GLYR1: variants seen among roughly 807,000 people sequenced by gnomAD.
GLYR1 encodes the protein glyoxylate reductase 1 homolog.
Under a neutral mutation model 72.7 loss-of-function variants are expected in GLYR1, and 21 were observed. That is an observed-to-expected ratio of 0.29 (90% CI 0.20 to 0.42). The LOEUF is 0.42. Among genes scored for constraint, GLYR1 ranks in the 10% least tolerant of loss-of-function variants. The pLI is 1.00. For synonymous variants in GLYR1, 392 were observed against 270.2 expected, an observed-to-expected ratio of 1.45 and a Z score of -4.42; for missense variants, 594 against 712.1, an observed-to-expected ratio of 0.83 and a Z score of 1.89.
In GLYR1 at chr16:4,832,051, G is replaced by A. The variant is rs200029439; in HGVS notation, c.465C>T (p.Gly155=). The A allele has an allele frequency of 1.2e-6, 2 of 1,614,164 alleles. No individual in the cohort carries two copies. The highest frequency in any genetic ancestry group is 2.2e-5 in the South Asian group (2 of 91,084). The part of the protein sequence containing the change: ...KRVSSGSSER[G]SKSPLKRAQE... Reference sequence around the variant, plus strand: ...GGGCTCTTTTCAGAGGGGATTTGGAGCCTCTCTCTGAAGAGCCTGAAGACA... The same window carrying A: ...GGGCTCTTTTCAGAGGGGATTTGGAACCTCTCTCTGAAGAGCCTGAAGACA... Residue 155 remains glycine, a synonymous_variant, in exon 5 of 16, where the codon GGC becomes GGT. Transcript: ENST00000321919.
Position 4,812,071 on chromosome 16 carries a change from G to C in GLYR1, c.1282+15C>G. ...TGGCCCCAGGCTCCAGGCCTGACAG[G>C]TGCAGGCGTGTTACCTAGGAAGAAG... On this transcript the variant is annotated intron_variant, in intron 13 of 15. Transcript: ENST00000321919. 2 of 1,610,698 alleles carry C rather than the reference G, an allele frequency of 1.2e-6. No homozygotes were observed. Among genetic ancestry groups the C allele is most frequent in the Middle Eastern group, 1.7e-4 (1 of 5,904 alleles).
At chr16:4,823,939 C>G in intron 5 of GLYR1, 32 bp from the exon 6 acceptor site, 1 of 1,561,294 alleles carries the variant, frequency 6.4e-7, no homozygotes, top group South Asian at 1.1e-5. Flanking sequence ...ATTTTAAAAT[C>G]ACATTCAAAC....
intron 5 of GLYR1, among the ~76,000 whole-genome samples, chr16:4,830,638 T>C (rs2084736090): frequency 6.6e-6 from 1 of 152,224 alleles, no homozygotes; most frequent in South Asian, 2.1e-4. Context: ...CAACTGTTGC[T>C]GCCAGCCATC....
rs2083664353 is a variant in GLYR1 at position 4,816,758 on chromosome 16, G to A, written c.906+840C>T. Among the ~76,000 whole-genome samples the A allele has an allele frequency of 5.3e-5, 8 of 152,042 alleles. No homozygotes were observed. In the South Asian group the frequency reaches 1.7e-3, roughly 32 times the overall value. On this transcript the variant is annotated intron_variant, in intron 10 of 15. Transcript: ENST00000321919. Reference sequence around the variant, plus strand: ...CCCAGTATTTTGGGAGGCCAAGGCGGGTGGATCACCTGAGGTCAGAAGTTC... The same window carrying A: ...CCCAGTATTTTGGGAGGCCAAGGCGAGTGGATCACCTGAGGTCAGAAGTTC...
Position 4,805,092 on chromosome 16 carries a change from T to C in GLYR1, c.*144A>G, listed in dbSNP as rs2082892920. On this transcript the variant is annotated 3_prime_UTR_variant, in exon 16 of 16. Coordinates refer to ENST00000321919, the MANE Select transcript of GLYR1 (RefSeq NM_032569.4). ...AGGGGAAGGGTGCTGCTGTGTGCTGTGCTGATGGCAAGTCTCAAAGTCTGT... is the reference window on the plus strand; with the variant it reads ...AGGGGAAGGGTGCTGCTGTGTGCTGCGCTGATGGCAAGTCTCAAAGTCTGT... 1 of 706,514 alleles carries C rather than the reference T, an allele frequency of 1.4e-6. No homozygotes were observed. Among genetic ancestry groups the C allele is most frequent in the Non-Finnish European group, 2.5e-6 (1 of 393,868 alleles). The allele number at this position is 706,514 out of a possible 1,614,324, so 43.8% of individuals were successfully genotyped here.
chr16:4,821,101 G>A, intron 9 of GLYR1: 1 of 523,522 alleles, frequency 1.9e-6, no homozygotes, highest in Non-Finnish European at 3.4e-6. Flanking sequence ...TGACTGTCAG[G>A]CACAGGAAAG....
intron 4 of GLYR1, 152 bp from the exon 5 acceptor site, chr16:4,832,373 G>T: frequency 2.2e-6 from 2 of 903,716 alleles, no homozygotes; most frequent in Non-Finnish European, 1.6e-6. Context: ...CCCAGACATT[G>T]GGAGAAGCAG....
At chr16:4,810,357 C>T (rs901703686) in intron 15 of GLYR1, among the ~76,000 whole-genome samples, 9 of 151,080 alleles carry the variant, frequency 6.0e-5, no homozygotes, top group Admixed American at 1.3e-4. Context: ...ATTAGCAGGG[C>T]GGGTTGGGGC....
chr16:4,842,257 C>A (rs1412399753), intron 3 of GLYR1, among the ~76,000 whole-genome samples: 5 of 146,298 alleles, frequency 3.4e-5, no homozygotes, highest in East Asian at 2.3e-4. Flanking sequence ...AAAAAAAAAA[C>A]AACAACAAAA....
In GLYR1 at chr16:4,832,923, A is replaced by T. The variant is rs1434528114; in HGVS notation, c.156-11T>A. On this transcript the variant is annotated splice_polypyrimidine_tract_variant and intron_variant, in intron 3 of 15. Transcript: ENST00000321919. ...ACTTTGATCCAGGCACTAGCAGAAA[A>T]CAAACACAAAAAGGGTGTGAACCAT... 6.2e-7 allele frequency: 1 copy of T among 1,607,508 alleles called. No homozygotes were observed. Among genetic ancestry groups the T allele is most frequent in the Non-Finnish European group, 8.5e-7 (1 of 1,176,610 alleles).
intron 2 of GLYR1, 77 bp downstream of exon 2, chr16:4,846,097 T>C (rs1383147538): frequency 4.7e-6 from 7 of 1,483,964 alleles, no homozygotes; most frequent in Non-Finnish European, 6.6e-6. Context: ...TACTAGAAAC[T>C]GAGAGGAATG....
chr16:4,808,338 T>A (rs1018532327), intron 15 of GLYR1, among the ~76,000 whole-genome samples: 1 of 152,036 alleles, frequency 6.6e-6, no homozygotes, highest in South Asian at 2.1e-4. Context: ...GGCTCACGCC[T>A]GTAATCCCAG....
intron 3 of GLYR1, chr16:4,843,680 C>G: frequency 1.6e-6 from 2 of 1,252,226 alleles, no homozygotes; most frequent in South Asian, 2.6e-5. Context: ...TAATATATCG[C>G]TTTCTAAGTA....
intron 9 of GLYR1, 92 bp from the exon 10 acceptor site, chr16:4,817,789 A>G (rs2083744368): frequency 2.5e-6 from 2 of 799,438 alleles, no homozygotes; most frequent in Non-Finnish European, 4.3e-6. Flanking sequence ...TCCCTTATAC[A>G]GCTTGGGGTA....
chr16:4,841,457 CAAAAAAAAAA>C (rs1160441336), intron 3 of GLYR1, among the ~76,000 whole-genome samples: 87 of 31,950 alleles, frequency 2.7e-3, no homozygotes, highest in African/African-American at 8.7e-3. Flanking sequence ...CTTGTCTCTA[CAAAAAAAAAA>C]AAAAAAAAAA....
intron 15 of GLYR1, among the ~76,000 whole-genome samples, chr16:4,805,694 AG>A (rs1366839081): frequency 6.6e-6 from 1 of 152,126 alleles, no homozygotes; most frequent in African/African-American, 2.4e-5. Flanking sequence ...TACAAAAATT[AG>A]GGCCAGGCGC....
chr16:4,846,895 A>T, intron 1 of GLYR1: 1 of 391,344 alleles, frequency 2.6e-6, no homozygotes, highest in Non-Finnish European at 4.6e-6. Context: ...GGGAAGCCCC[A>T]ACAAGACCCC....
chr16:4,816,128 C>T (rs910133930), intron 10 of GLYR1, among the ~76,000 whole-genome samples: 2 of 152,080 alleles, frequency 1.3e-5, no homozygotes, highest in Admixed American at 6.6e-5. Context: ...TTTGTTTCCT[C>T]TTTTGTGAGC....
chr16:4,816,644 T>C (rs2083657960), intron 10 of GLYR1, among the ~76,000 whole-genome samples: 1 of 152,156 alleles, frequency 6.6e-6, no homozygotes, highest in Non-Finnish European at 1.5e-5. Flanking sequence ...AGTTCTAGAT[T>C]TACAAAGATC....
Sources: allele counts gnomAD v4.1 joint callset (sites outside exome capture counted in the v4.1 genomes callset), GRCh38; gene constraint gnomAD v4.1.1; transcripts MANE v1.5; gene names NCBI Gene and HGNC (gene_info 2026-07-23, HGNC 2026-07-21).